Variants in USH1C observed in about 807,000 individuals in gnomAD.
The protein encoded by USH1C is harmonin.
A neutral mutation model predicts 119.3 loss-of-function variants in USH1C; 90 were observed. The observed-to-expected ratio is 0.75, with a 90% CI of 0.64 to 0.90. USH1C has a LOEUF of 0.90. Among genes scored for constraint, USH1C ranks in the 40% least tolerant of loss-of-function variants. USH1C has a pLI of 0.00. For missense variants in USH1C, 1,165 were observed against 1,167.7 expected, an observed-to-expected ratio of 1.00 and a Z score of 0.03; for synonymous variants, 465 against 443.3, an observed-to-expected ratio of 1.05 and a Z score of -0.62.
chr11:17,530,815 AAGGCAAC>A (rs1850931704), intron 4 of USH1C, among the ~76,000 whole-genome samples: 2 of 152,242 alleles, frequency 1.3e-5, no homozygotes, highest in African/African-American at 2.4e-5. Context: ...CTGCTGGTAA[AAGGCAAC>A]AGGTCCAAAA....
intron 4 of USH1C, among the ~76,000 whole-genome samples, chr11:17,529,771 G>T (rs938656690): frequency 1.3e-5 from 2 of 152,178 alleles, no homozygotes; most frequent in African/African-American, 4.8e-5. Context: ...AAGGAGAGAT[G>T]AACCCGTCAG....
chr11:17,537,984 T>C (rs1325158144), intron 1 of USH1C, among the ~76,000 whole-genome samples: 9 of 151,948 alleles, frequency 5.9e-5, no homozygotes, highest in African/African-American at 2.2e-4. Context: ...TATCCACTTA[T>C]GAAATATAAC....
At chr11:17,538,160 T>C (rs1444822316) in intron 1 of USH1C, among the ~76,000 whole-genome samples, 1 of 152,198 alleles carries the variant, frequency 6.6e-6, no homozygotes, top group East Asian at 1.9e-4. Flanking sequence ...AAATAGCTGT[T>C]GGGGATCTCT....
rs751541429 is a variant in USH1C at position 17,501,929 on chromosome 11, C to G, written c.2226+10G>C. 1.9e-6 allele frequency: 3 copies of G among 1,613,446 alleles called. No individual in the cohort carries two copies. ...GGTTACTTGTCCAGGAGAGAAGCGT[C>G]ATCTCTTACCATAGAGTAGGGGTCA... On this transcript the variant is annotated intron_variant, in intron 21 of 26. Coordinates refer to ENST00000005226, the MANE Select transcript of USH1C (RefSeq NM_153676.4).
intron 1 of USH1C, among the ~76,000 whole-genome samples, chr11:17,534,744 T>C (rs1409619299): frequency 1.3e-5 from 2 of 152,036 alleles, no homozygotes; most frequent in African/African-American, 4.8e-5. Context: ...CGTAGTGGTA[T>C]GCCCCTGTAA....
chr11:17,501,402 G>A lies in USH1C; in HGVS notation c.2280+80C>T. ...AGAGACCACCCAGGAGTGACCTTGA[G>A]AGTAGAGGCAGGAGACCAAGGGAGG... On this transcript the variant is annotated intron_variant, in intron 22 of 26. Transcript: ENST00000005226. 2.0e-6 allele frequency: 3 copies of A among 1,503,548 alleles called. No individual in the cohort carries two copies. The South Asian group carries it at 3.5e-5, about 18-fold the overall frequency. 93.1% of individuals were successfully genotyped at this position (1,503,548 alleles called of 1,614,324 possible). A position where few individuals can be genotyped will look rare whatever the true frequency, so the allele number is the denominator to read the frequency against.
rs370054635 is a variant in USH1C, at chr11:17,531,246, C to T, written c.295G>A (p.Gly99Ser). 31 of 1,614,034 alleles carry T rather than the reference C, an allele frequency of 1.9e-5. No homozygotes were observed. The highest frequency in any genetic ancestry group is 2.2e-5 in the Non-Finnish European group (26 of 1,180,048). ...TCCAGGCCACCACGCACACTCAGGC[C>T]GAGGCCTTCGGGGTGCAGACGGTCC... ...RLDRLHPEGL[G>S]LSVRGGLEFG... Residue 99 changes from glycine to serine, a missense_variant, in exon 4 of 27, where the codon GGC (glycine) becomes AGC (serine). Coordinates refer to ENST00000005226, the MANE Select transcript of USH1C (RefSeq NM_153676.4). This position sits in a 1 kb window ranked among gnomAD's most constrained non-coding sequence, Gnocchi z 4.2.
chr11:17,500,304 T>G (rs913674559), intron 23 of USH1C, among the ~76,000 whole-genome samples: 1 of 152,172 alleles, frequency 6.6e-6, no homozygotes, highest in Non-Finnish European at 1.5e-5. Flanking sequence ...ATGACCAAAC[T>G]GCCTGGATTC....
intron 15 of USH1C, among the ~76,000 whole-genome samples, chr11:17,512,538 T>C (rs945172310): frequency 5.9e-5 from 9 of 152,244 alleles, no homozygotes; most frequent in African/African-American, 1.9e-4. Flanking sequence ...CATCATCTCA[T>C]GTTCAGATTC....
Position 17,509,462 on chromosome 11 carries a change from C to T in USH1C, c.1907G>A (p.Arg636His), listed in dbSNP as rs138017852. 3.8e-5 allele frequency: 57 copies of T among 1,485,790 alleles called. 1 individual carries two copies. The highest frequency in any genetic ancestry group is 3.7e-4 in the South Asian group (33 of 89,074). The allele number at this position is 1,485,790 out of a possible 1,614,324, so 92.0% of individuals were successfully genotyped here. The change falls in exon 18 of 27, where the codon CGC becomes CAC. Residue 636 changes from arginine (R) to histidine (H), a missense_variant. Coordinates refer to ENST00000005226, the MANE Select transcript of USH1C (RefSeq NM_153676.4). ...LEEALSNHPF[R>H]TGDTGNPVED... ...CACTGGATTGCCTGTGTCCCCAGTG[C>T]GGAAGGGATGGTTGCTCAGTGCTTC...
At position 17,511,886 on chromosome 11, in the gene USH1C, C is replaced by A; in HGVS notation, c.1413+16G>T. 1 of 1,608,026 alleles carries A rather than the reference C, an allele frequency of 6.2e-7. No homozygotes were observed. The highest frequency in any genetic ancestry group is 8.5e-7 in the Non-Finnish European group (1 of 1,177,418). ...GTCCCAGGGTTGCTTGCCTGGCCTG[C>A]AGGCAGGACACATACCTCCTGGGCC... is the stretch of plus-strand genomic sequence containing the variant. On this transcript the variant is annotated intron_variant, in intron 16 of 26. Coordinates refer to ENST00000005226, the MANE Select transcript of USH1C (RefSeq NM_153676.4).
chr11:17,522,945 C>A lies in USH1C; in HGVS notation c.877-19G>T. On this transcript the variant is annotated intron_variant, in intron 11 of 26. Transcript: ENST00000005226. ...CCCGGCCCTCATGGGAGAAAAGAGG[C>A]CCCTTGCTCAGCCCCCGGGGAACCT... 6.2e-7 allele frequency: 1 copy of A among 1,606,716 alleles called. No individual in the cohort carries two copies. The highest frequency in any genetic ancestry group is 8.5e-7 in the Non-Finnish European group (1 of 1,177,044).
chr11:17,513,538 C>T (rs1002040211), intron 15 of USH1C, among the ~76,000 whole-genome samples: 1 of 152,160 alleles, frequency 6.6e-6, no homozygotes, highest in Non-Finnish European at 1.5e-5. Flanking sequence ...CCTCTGTGTA[C>T]TGCTAATGTG....
At chr11:17,523,600 C>T in intron 9 of USH1C, 122 bp from the exon 10 acceptor site, 1 of 922,650 alleles carries the variant, frequency 1.1e-6, no homozygotes, top group South Asian at 1.4e-5. Context: ...AGTACCTCAG[C>T]TCCTCCTGAT....
In USH1C at chr11:17,531,044, G is replaced by T. The variant is rs1467509896; in HGVS notation, c.387+110C>A. On this transcript the variant is annotated intron_variant, in intron 4 of 26. Coordinates refer to ENST00000005226, the MANE Select transcript of USH1C (RefSeq NM_153676.4). This position sits in a 1 kb window ranked among gnomAD's most constrained non-coding sequence, Gnocchi z 4.2. ...GCGCCAGCCTCTTCTTCACCCGAAGGCTCAGAAAAGTGGGTGACCATGTTG... is the reference window on the plus strand; with the variant it reads ...GCGCCAGCCTCTTCTTCACCCGAAGTCTCAGAAAAGTGGGTGACCATGTTG... 4 of 1,549,186 alleles carry T rather than the reference G, an allele frequency of 2.6e-6. No individual in the cohort carries two copies. The highest frequency in any genetic ancestry group is 2.3e-5 in the East Asian group (1 of 43,476).
intron 25 of USH1C, 118 bp from the exon 26 acceptor site, chr11:17,495,795 TC>T (rs1849228062): frequency 8.9e-7 from 1 of 1,128,374 alleles, no homozygotes; most frequent in Non-Finnish European, 1.3e-6. Flanking sequence ...GCCCCTGGGT[TC>T]CAGAATTAGG....
At chr11:17,504,085 C>T (rs930551619) in intron 20 of USH1C, among the ~76,000 whole-genome samples, 10 of 152,268 alleles carry the variant, frequency 6.6e-5, no homozygotes, top group Middle Eastern at 3.4e-3. Context: ...CCCCAGGAGG[C>T]AGGGAGGTAG....
At chr11:17,499,972 T>C (rs1849376443) in intron 23 of USH1C, among the ~76,000 whole-genome samples, 1 of 152,098 alleles carries the variant, frequency 6.6e-6, no homozygotes, top group Non-Finnish European at 1.5e-5. Flanking sequence ...CTGGGGCTCC[T>C]CCTCCAAGGG....
At chr11:17,501,797 GC>G (rs1199347830) in intron 21 of USH1C, 141 bp downstream of exon 21, 1 of 1,013,918 alleles carries the variant, frequency 9.9e-7, no homozygotes, top group African/African-American at 1.6e-5. Flanking sequence ...GGGAAGAGCA[GC>G]TGGGGCATCA....
Sources: gnomAD v4.1 joint callset for allele counts (sites outside exome capture counted in the v4.1 genomes callset) on GRCh38, gnomAD v4.1.1 for gene constraint, Gnocchi (gnomAD v3.1) non-coding constraint, MANE v1.5 for transcripts, NCBI Gene and HGNC (gene_info 2026-07-23, HGNC 2026-07-21) for gene names.